The following ZBTB20 variants were observed in gnomAD, a reference collection of about 807,000 sequenced individuals.
ZBTB20 encodes the protein zinc finger and BTB domain containing 20.
A neutral mutation model predicts 56.9 loss-of-function variants in ZBTB20; 9 were observed. The ratio of observed to expected loss-of-function variants is 0.16; its 90% CI spans 0.10 to 0.28. ZBTB20 has a LOEUF of 0.28. Among genes scored for constraint, ZBTB20 ranks in the 10% least tolerant of loss-of-function variants. ZBTB20 has a pLI of 1.00. For missense variants in ZBTB20, 655 were observed against 1,003.0 expected, an observed-to-expected ratio of 0.65 and a Z score of 4.69; for synonymous variants, 417 against 420.7, an observed-to-expected ratio of 0.99 and a Z score of 0.11.
At chr3:114,793,303 T>C (rs1321654027) in intron 5 of ZBTB20, among the ~76,000 whole-genome samples, 1 of 152,156 alleles carries the variant, frequency 6.6e-6, no homozygotes, top group Admixed American at 6.6e-5. Context: ...CAAACCCCAA[T>C]TATTAAACAT....
At chr3:115,007,724 T>A (rs1247413716) in intron 2 of ZBTB20, among the ~76,000 whole-genome samples, 1 of 151,968 alleles carries the variant, frequency 6.6e-6, no homozygotes, top group Non-Finnish European at 1.5e-5. Context: ...TTACCCCTCA[T>A]CCTGTTTACA....
chr3:114,489,718 T>TA (rs565516814), intron 7 of ZBTB20, among the ~76,000 whole-genome samples: 2 of 152,040 alleles, frequency 1.3e-5, no homozygotes, highest in African/African-American at 4.8e-5. Context: ...TATAGAATCA[T>TA]AAAAAAAGTA....
intron 5 of ZBTB20, among the ~76,000 whole-genome samples, chr3:114,797,265 A>G (rs1449724548): frequency 6.6e-6 from 1 of 151,662 alleles, no homozygotes; most frequent in East Asian, 1.9e-4. Context: ...TGATCTTTTA[A>G]ACTTTCATGA....
intron 10 of ZBTB20, among the ~76,000 whole-genome samples, chr3:114,379,566 C>T (rs1381794839): frequency 2.6e-5 from 4 of 152,152 alleles, no homozygotes; most frequent in African/African-American, 7.2e-5. Flanking sequence ...TCAATAGCGA[C>T]GATCTCATTA....
chr3:114,934,138 C>T (rs903335886), intron 3 of ZBTB20, among the ~76,000 whole-genome samples: 17 of 152,148 alleles, frequency 1.1e-4, no homozygotes, highest in Non-Finnish European at 1.6e-4. Context: ...TGAATCTCAT[C>T]GAGTTATAGA....
In ZBTB20 at chr3:114,334,323, G is replaced by A. The variant is rs2079375642; in HGVS notation, c.*4682C>T. 1.3e-5 allele frequency: 2 copies of A among 152,192 alleles called. No individual in the cohort carries two copies. The highest frequency in any genetic ancestry group is 2.4e-5 in the African/African-American group (1 of 41,444). The allele number at this position is 152,192 out of a possible 1,614,324, so 9.4% of individuals were successfully genotyped here. On this transcript the variant is annotated 3_prime_UTR_variant, in exon 12 of 12. Transcript: ENST00000675478. ...GAGCATTGTGGAGGAGCCCCAACAA[G>A]GAAGCAACATATGGCTTTATTATGT...
chr3:114,732,205 T>C (rs1467725779), intron 5 of ZBTB20, among the ~76,000 whole-genome samples: 1 of 152,186 alleles, frequency 6.6e-6, no homozygotes, highest in Admixed American at 6.5e-5. Context: ...GATTTCCACA[T>C]CTCTAGTTAT....
chr3:114,915,831 G>A (rs1418962959), intron 3 of ZBTB20, among the ~76,000 whole-genome samples: 6 of 151,954 alleles, frequency 3.9e-5, no homozygotes, highest in African/African-American at 1.4e-4. Context: ...TGATCACTCA[G>A]GAGTACACTG....
At position 114,445,927 on chromosome 3, in the gene ZBTB20, T is replaced by C. The variant is rs185905614; in HGVS notation, c.-255+54425A>G. On this transcript the variant is annotated intron_variant, in intron 7 of 11. Coordinates refer to ENST00000675478, the MANE Select transcript of ZBTB20 (RefSeq NM_001348800.3). ...TTAACTGACTTTCTAACTTAAAATA[T>C]TCTTTTGCTGTAGTTAAAACCTTTT... Among the ~76,000 whole-genome samples the C allele has an allele frequency of 4.6e-5, 7 of 152,300 alleles. No homozygotes were observed. In the East Asian group the frequency reaches 1.4e-3, roughly 29 times the overall value.
At chr3:114,965,115 A>G (rs977639809) in intron 3 of ZBTB20, among the ~76,000 whole-genome samples, 5 of 152,270 alleles carry the variant, frequency 3.3e-5, no homozygotes, top group South Asian at 4.1e-4. Flanking sequence ...AATTAAATGT[A>G]CTTTGTGATA....
chr3:114,989,130 C>T (rs1381316453), intron 2 of ZBTB20, among the ~76,000 whole-genome samples: 2 of 152,120 alleles, frequency 1.3e-5, no homozygotes, highest in Non-Finnish European at 1.5e-5. Context: ...TTAATTTTGG[C>T]TTTTGTTGCC....
At chr3:114,969,549 C>T (rs2077785701) in intron 3 of ZBTB20, among the ~76,000 whole-genome samples, 3 of 152,182 alleles carry the variant, frequency 2.0e-5, no homozygotes, top group South Asian at 2.1e-4. Flanking sequence ...AAGGAATTTG[C>T]TTTTTAATTT....
chr3:115,003,726 C>A (rs2079350797), intron 2 of ZBTB20, among the ~76,000 whole-genome samples: 1 of 151,462 alleles, frequency 6.6e-6, no homozygotes. Flanking sequence ...ATTATGTTTG[C>A]AAGTGTCAGG....
At chr3:114,676,064 A>T (rs2061608818) in intron 6 of ZBTB20, among the ~76,000 whole-genome samples, 1 of 152,186 alleles carries the variant, frequency 6.6e-6, no homozygotes, top group African/African-American at 2.4e-5. Context: ...GTCAGTAAGT[A>T]GAGGAGTCAG....
intron 3 of ZBTB20, among the ~76,000 whole-genome samples, chr3:114,908,723 T>TA (rs925774756): frequency 6.6e-6 from 1 of 151,086 alleles, no homozygotes; most frequent in Non-Finnish European, 1.5e-5. Context: ...AGGGCCAAAA[T>TA]AAAAAAAGAA....
intron 6 of ZBTB20, among the ~76,000 whole-genome samples, chr3:114,538,990 C>G (rs867680760): frequency 9.9e-5 from 15 of 152,068 alleles, no homozygotes; most frequent in Admixed American, 2.6e-4. Context: ...AGTCCTTGTC[C>G]AAGTTAACCT....
At chr3:114,854,981 ACTT>A (rs983661335) in intron 4 of ZBTB20, among the ~76,000 whole-genome samples, 27 of 152,266 alleles carry the variant, frequency 1.8e-4, no homozygotes, top group African/African-American at 4.8e-4. Context: ...TTTTGTCTAA[ACTT>A]CTTCTGTTTT....
At chr3:114,543,500 C>A (rs552734113) in intron 6 of ZBTB20, among the ~76,000 whole-genome samples, 1 of 152,144 alleles carries the variant, frequency 6.6e-6, no homozygotes, top group South Asian at 2.1e-4. Flanking sequence ...GCCTTAGCCC[C>A]CATCTCCGAC....
chr3:114,886,979 T>C (rs2076625000), intron 4 of ZBTB20, among the ~76,000 whole-genome samples: 1 of 152,100 alleles, frequency 6.6e-6, no homozygotes, highest in Non-Finnish European at 1.5e-5. Flanking sequence ...AAGTCCAAGG[T>C]TGAGGGAGCA....
Sources: gnomAD v4.1 joint callset for allele counts (sites outside exome capture counted in the v4.1 genomes callset) on GRCh38, gnomAD v4.1.1 for gene constraint, MANE v1.5 for transcripts, NCBI Gene and HGNC (gene_info 2026-07-23, HGNC 2026-07-21) for gene names.